Variants in CHFR observed in about 807,000 individuals in gnomAD.
CHFR encodes the protein E3 ubiquitin-protein ligase CHFR.
CHFR carries 57 observed loss-of-function variants against 87.6 expected under a neutral mutation model. The observed-to-expected ratio is 0.65, with a 90% CI of 0.53 to 0.81. The LOEUF (loss-of-function observed/expected upper bound fraction) is 0.81. CHFR is among the 30% of genes least tolerant of loss of function. The pLI, the probability that CHFR is intolerant of heterozygous loss-of-function variation, is 0.00. For missense variants in CHFR, 797 were observed against 865.8 expected (o/e 0.92, Z 1.00); for synonymous variants, 381 against 359.2 (o/e 1.06, Z -0.69).
At chr12:132,864,819 T>C (rs1013884704) in intron 6 of CHFR, among the ~76,000 whole-genome samples, 2 of 152,168 alleles carry the variant, frequency 1.3e-5, no homozygotes, top group Non-Finnish European at 2.9e-5. Flanking sequence ...ACATAAGTAA[T>C]ATATAAATAC....
chr12:132,873,101 C>T (rs185146508), intron 3 of CHFR, among the ~76,000 whole-genome samples: 4 of 152,290 alleles, frequency 2.6e-5, no homozygotes, highest in East Asian at 1.9e-4. Context: ...ACACACAAAA[C>T]GGCAACCGGG....
rs916396641 is a variant in CHFR at position 132,838,638 on chromosome 12, G to C, written c.*2916C>G. The C allele has an allele frequency of 6.6e-6, 1 of 152,410 alleles. No individual in the cohort carries two copies. The highest frequency in any genetic ancestry group is 2.4e-5 in the African/African-American group (1 of 41,460). 9.4% of individuals were successfully genotyped at this position (152,410 alleles called of 1,614,324 possible). A position where few individuals can be genotyped will look rare whatever the true frequency, so the allele number is the denominator to read the frequency against. On this transcript the variant is annotated 3_prime_UTR_variant, in exon 18 of 18. Transcript: ENST00000450056. ...CCAAGGAGCCAGGAAGAAGCAGTGG[G>C]ATCTGCAGCAGCACCAGGCTGTCCT...
Position 132,844,465 on chromosome 12 carries a change from T to C in CHFR, c.1736-331A>G, listed in dbSNP as rs2136919079. ...ACACCGGGCTAATTTTTTGTATTTT[T>C]AGTAGAGACTGGGTTTCACCGTGTT... On this transcript the variant is annotated intron_variant, in intron 15 of 17. Coordinates refer to ENST00000450056, the MANE Select transcript of CHFR (RefSeq NM_001161346.2). Among the ~76,000 whole-genome samples, 3 of 142,810 alleles carry C rather than the reference T, an allele frequency of 2.1e-5. 1 individual carries two copies. Among genetic ancestry groups the C allele is most frequent in the Non-Finnish European group, 4.9e-5 (3 of 61,784 alleles). 93.7% of individuals were successfully genotyped at this position (142,810 alleles called of 152,430 possible).
At chr12:132,842,743 C>T (rs552029297) in intron 17 of CHFR, among the ~76,000 whole-genome samples, 7 of 152,364 alleles carry the variant, frequency 4.6e-5, no homozygotes, top group East Asian at 1.9e-4. Flanking sequence ...GACTTAGAAA[C>T]GGCTAAGCCT....
At chr12:132,848,042 G>GA (rs1950864390) in intron 14 of CHFR, 43 bp downstream of exon 14, 3 of 1,613,544 alleles carry the variant, frequency 1.9e-6, no homozygotes, top group Non-Finnish European at 2.5e-6. Flanking sequence ...GCACTAGGGA[G>GA]AAAATGTGGC....
chr12:132,836,849 G>C lies in CHFR; in HGVS notation c.*4705C>G, dbSNP rs969185223. 2.5e-5 allele frequency: 11 copies of C among 442,010 alleles called. No individual in the cohort carries two copies. The highest frequency in any genetic ancestry group is 4.6e-5 in the Non-Finnish European group (10 of 219,706). 27.4% of individuals were successfully genotyped at this position (442,010 alleles called of 1,614,324 possible). ...TCAGTAGCCAACTGGTCAGTGATCA[G>C]TAGATGCTGCCCTGGGGCCAAACAT... is the stretch of plus-strand genomic sequence containing the variant. On this transcript the variant is annotated 3_prime_UTR_variant, in exon 18 of 18. Coordinates refer to ENST00000450056, the MANE Select transcript of CHFR (RefSeq NM_001161346.2).
intron 2 of CHFR, among the ~76,000 whole-genome samples, chr12:132,883,742 T>C (rs1457216227): frequency 6.6e-6 from 1 of 152,160 alleles, no homozygotes; most frequent in Non-Finnish European, 1.5e-5. Context: ...GTTGCACCCC[T>C]TCCTACACGT....
intron 4 of CHFR, among the ~76,000 whole-genome samples, chr12:132,871,095 G>C (rs951359128): frequency 1.3e-5 from 2 of 152,246 alleles, no homozygotes; most frequent in Admixed American, 1.3e-4. Context: ...GGCTGGTTAA[G>C]TTTATGCTGA....
chr12:132,869,268 C>G (rs1013688545), intron 6 of CHFR, among the ~76,000 whole-genome samples: 2 of 151,886 alleles, frequency 1.3e-5, no homozygotes, highest in African/African-American at 2.4e-5. Context: ...TGTGGAGTCA[C>G]TGCTGGTGGG....
At position 132,837,103 on chromosome 12, in the gene CHFR, T is replaced by A. The variant is rs1226402752; in HGVS notation, c.*4451A>T. On this transcript the variant is annotated 3_prime_UTR_variant, in exon 18 of 18. Transcript: ENST00000450056. ...TGTTTGTGAGAATTAGCTGGTTCGG[T>A]GGAGAAGCAGAGGAACACCTGAGGG... 3.2e-6 allele frequency: 1 copy of A among 310,340 alleles called. No homozygotes were observed. The highest frequency in any genetic ancestry group is 2.7e-5 in the South Asian group (1 of 37,682). The allele number at this position is 310,340 out of a possible 1,614,324, so 19.2% of individuals were successfully genotyped here.
At chr12:132,872,578 C>T (rs1157190776) in intron 3 of CHFR, among the ~76,000 whole-genome samples, 184 bp from the exon 4 acceptor site, 1 of 152,108 alleles carries the variant, frequency 6.6e-6, no homozygotes, top group African/African-American at 2.4e-5. Flanking sequence ...AAATGGCTCG[C>T]CCACTTCTCC....
At chr12:132,844,816 A>G (rs111364734) in intron 15 of CHFR, among the ~76,000 whole-genome samples, 31,150 of 151,276 alleles carry the variant, frequency 0.21, 3,437 homozygotes, top group African/African-American at 0.27. Flanking sequence ...CTTTTTTAGT[A>G]GAGATGGGGT....
At chr12:132,875,191 T>A (rs932311358) in intron 3 of CHFR, among the ~76,000 whole-genome samples, 2 of 152,250 alleles carry the variant, frequency 1.3e-5, no homozygotes, top group African/African-American at 4.8e-5. Context: ...TTCTTCCTAT[T>A]AAAACCTACT....
chr12:132,865,100 C>T (rs1439262670), intron 6 of CHFR, among the ~76,000 whole-genome samples: 1 of 152,220 alleles, frequency 6.6e-6, no homozygotes, highest in Admixed American at 6.5e-5. Context: ...ACTAGTAACC[C>T]CGCGTCCTGT....
chr12:132,856,393 G>T, intron 10 of CHFR, 75 bp downstream of exon 10: 1 of 1,505,288 alleles, frequency 6.6e-7, no homozygotes, highest in Non-Finnish European at 9.2e-7. Flanking sequence ...TGTCCACCCA[G>T]TAGTGAGCTC....
chr12:132,865,561 C>T (rs1951314815), intron 6 of CHFR, among the ~76,000 whole-genome samples: 1 of 151,110 alleles, frequency 6.6e-6, no homozygotes, highest in East Asian at 2.0e-4. Context: ...TCAGTAGAGA[C>T]GGGGTTTCAC....
chr12:132,868,266 A>G (rs10781663), intron 6 of CHFR, among the ~76,000 whole-genome samples: 95,259 of 152,096 alleles, frequency 0.63, 30,450 homozygotes, highest in South Asian at 0.83. Flanking sequence ...CCGATCGGAC[A>G]GATCACGAGG....
rs918030300 is a variant in CHFR at position 132,840,494 on chromosome 12, A to G, written c.*1060T>C. The G allele has an allele frequency of 1.3e-5, 2 of 152,686 alleles. No homozygotes were observed. Among genetic ancestry groups the G allele is most frequent in the Non-Finnish European group, 2.9e-5 (2 of 68,046 alleles). 9.5% of individuals were successfully genotyped at this position (152,686 alleles called of 1,614,324 possible). A position where few individuals can be genotyped will look rare whatever the true frequency, so the allele number is the denominator to read the frequency against. On this transcript the variant is annotated 3_prime_UTR_variant, in exon 18 of 18. Coordinates refer to ENST00000450056, the MANE Select transcript of CHFR (RefSeq NM_001161346.2). ...CCTGAGAAGAAGCAAAAAAGTTATCAGTTTACAAACAAGGATAACAGGTGA... is the reference window on the plus strand; with the variant it reads ...CCTGAGAAGAAGCAAAAAAGTTATCGGTTTACAAACAAGGATAACAGGTGA...
Position 132,832,636 on chromosome 12 carries a change from A to G in CHFR, c.*8918T>C, listed in dbSNP as rs556555664. 3.5e-4 allele frequency: 53 copies of G among 152,350 alleles called. No homozygotes were observed. Among genetic ancestry groups the G allele is most frequent in the African/African-American group, 1.2e-3 (50 of 41,596 alleles). The allele number at this position is 152,350 out of a possible 1,614,324, so 9.4% of individuals were successfully genotyped here. A position where few individuals can be genotyped will look rare whatever the true frequency, so the allele number is the denominator to read the frequency against. On this transcript the variant is annotated 3_prime_UTR_variant, in exon 18 of 18. Transcript: ENST00000450056. ...CAGTAATTTAAAATTTTAAAAATTT[A>G]GCAAGCAAAATGTGACAAACATTAA... is the stretch of plus-strand genomic sequence containing the variant.
Sources: gnomAD v4.1 joint callset for allele counts (sites outside exome capture counted in the v4.1 genomes callset) on GRCh38, gnomAD v4.1.1 for gene constraint, MANE v1.5 for transcripts, NCBI Gene and HGNC (gene_info 2026-07-23, HGNC 2026-07-21) for gene names.